The following TMEM135 variants were observed in gnomAD, a reference collection of about 807,000 sequenced individuals.
The protein encoded by TMEM135 is peroxisomal membrane protein 52.
Under a neutral mutation model 60.3 loss-of-function variants are expected in TMEM135, and 30 were observed. That is an observed-to-expected ratio of 0.50 (90% confidence interval 0.37 to 0.68). The LOEUF is 0.68. Ranked by LOEUF, TMEM135 falls within the 30% of genes least tolerant of loss-of-function variation. The pLI is 0.00. For synonymous variants in TMEM135, 190 were observed against 186.7 expected, an observed-to-expected ratio of 1.02 and a Z score of -0.14; for missense variants, 468 against 548.8, an observed-to-expected ratio of 0.85 and a Z score of 1.47.
intron 4 of TMEM135, among the ~76,000 whole-genome samples, chr11:87,146,259 T>A (rs1164544453): frequency 6.6e-6 from 1 of 152,204 alleles, no homozygotes; most frequent in Non-Finnish European, 1.5e-5. Flanking sequence ...CATGTGCCTG[T>A]AATCCCAGCT....
chr11:87,323,120 C>T lies in TMEM135; in HGVS notation c.*1787C>T, dbSNP rs11235098. ...ATTCATAAATTATTGTTTTCATTGA[C>T]ATTAAAAGACTGTGATATTGAAAGA... is the stretch of plus-strand genomic sequence containing the variant. On this transcript the variant is annotated 3_prime_UTR_variant, in exon 15 of 15. Transcript: ENST00000305494. 1,807 of 453,798 alleles carry T rather than the reference C, an allele frequency of 4.0e-3. 32 individuals carry two copies. Among genetic ancestry groups the T allele is most frequent in the African/African-American group, 0.034 (1,691 of 50,046 alleles). The allele number at this position is 453,798 out of a possible 1,614,324, so 28.1% of individuals were successfully genotyped here.
intron 10 of TMEM135, among the ~76,000 whole-genome samples, chr11:87,312,441 T>C (rs1942655485): frequency 6.6e-6 from 1 of 151,942 alleles, no homozygotes; most frequent in Non-Finnish European, 1.5e-5. Flanking sequence ...TCTTTATATA[T>C]GTTATATACT....
chr11:87,264,262 T>C (rs973862906), intron 6 of TMEM135, among the ~76,000 whole-genome samples: 5 of 151,600 alleles, frequency 3.3e-5, no homozygotes, highest in African/African-American at 9.7e-5. Context: ...TCTCTCTTTT[T>C]TTCTCCTCTC....
At chr11:87,211,976 T>C (rs1318694111) in intron 5 of TMEM135, among the ~76,000 whole-genome samples, 1 of 152,052 alleles carries the variant, frequency 6.6e-6, no homozygotes, top group East Asian at 1.9e-4. Flanking sequence ...AAAAGGCTCA[T>C]TGGCCTTGTA....
intron 6 of TMEM135, among the ~76,000 whole-genome samples, chr11:87,290,895 A>G (rs6592349): frequency 0.63 from 95,806 of 152,054 alleles, 30,477 homozygotes; most frequent in Non-Finnish European, 0.67. Flanking sequence ...AAAAGTCTAC[A>G]TATATGAGTT....
At chr11:87,080,035 T>C (rs1324422799) in intron 3 of TMEM135, among the ~76,000 whole-genome samples, 1 of 151,350 alleles carries the variant, frequency 6.6e-6, no homozygotes, top group East Asian at 1.9e-4. Context: ...GGAGACGGGG[T>C]TTCACCATAT....
intron 4 of TMEM135, among the ~76,000 whole-genome samples, chr11:87,128,109 A>G (rs1000316404): frequency 6.6e-6 from 1 of 152,186 alleles, no homozygotes; most frequent in Admixed American, 6.5e-5. Flanking sequence ...AGACATTGCT[A>G]TAGATAATAG....
intron 6 of TMEM135, chr11:87,258,758 A>C: frequency 2.3e-6 from 1 of 436,566 alleles, no homozygotes; most frequent in Non-Finnish European, 4.3e-6. Flanking sequence ...AATGTGCCAA[A>C]GTTAAAAAAA....
intron 4 of TMEM135, among the ~76,000 whole-genome samples, chr11:87,097,339 T>A (rs1390786727): frequency 6.6e-6 from 1 of 152,140 alleles, no homozygotes; most frequent in Non-Finnish European, 1.5e-5. Context: ...GTTCTATACC[T>A]AAAAGCAACT....
At chr11:87,251,754 G>GA (rs149652180) in intron 6 of TMEM135, among the ~76,000 whole-genome samples, 4,263 of 152,232 alleles carry the variant, frequency 0.028, 185 homozygotes, top group African/African-American at 0.094. Flanking sequence ...CCAGTAGTGA[G>GA]AAAAAACACT....
chr11:87,276,820 G>A (rs1941976510), intron 6 of TMEM135, among the ~76,000 whole-genome samples: 1 of 151,398 alleles, frequency 6.6e-6, no homozygotes, highest in Non-Finnish European at 1.5e-5. Context: ...TGGCATGCGA[G>A]GCCACCATGC....
At chr11:87,206,797 C>G (rs1466425049) in intron 5 of TMEM135, among the ~76,000 whole-genome samples, 1 of 152,102 alleles carries the variant, frequency 6.6e-6, no homozygotes, top group Non-Finnish European at 1.5e-5. Context: ...ACTTCATAGT[C>G]TTGTGCATAC....
chr11:87,319,401 A>G, intron 14 of TMEM135, 24 bp downstream of exon 14: 1 of 1,544,300 alleles, frequency 6.5e-7, no homozygotes, highest in Non-Finnish European at 9.0e-7. Context: ...TAGTTTTCTT[A>G]AAAATATTAT....
intron 6 of TMEM135, among the ~76,000 whole-genome samples, chr11:87,278,584 G>A (rs12791576): frequency 1.8e-4 from 27 of 152,028 alleles, no homozygotes; most frequent in Non-Finnish European, 3.4e-4. Flanking sequence ...ACATTGCCCA[G>A]GCTGGTCTCG....
intron 6 of TMEM135, chr11:87,259,189 C>A: frequency 1.8e-6 from 1 of 544,576 alleles, no homozygotes; most frequent in Non-Finnish European, 3.4e-6. Context: ...TCCAACTCCT[C>A]CTTAGTCTTC....
chr11:87,077,122 C>T (rs925573819), intron 3 of TMEM135, among the ~76,000 whole-genome samples: 1 of 152,224 alleles, frequency 6.6e-6, no homozygotes. Context: ...CTTGAACTAT[C>T]CCTTTGTAGT....
At chr11:87,055,474 A>G (rs978523974) in intron 1 of TMEM135, among the ~76,000 whole-genome samples, 3 of 152,226 alleles carry the variant, frequency 2.0e-5, no homozygotes, top group African/African-American at 7.2e-5. Flanking sequence ...TAGTAGTCAG[A>G]AATTTTCAAT....
chr11:87,241,435 G>C (rs926828299), intron 6 of TMEM135, among the ~76,000 whole-genome samples: 1 of 151,962 alleles, frequency 6.6e-6, no homozygotes, highest in Non-Finnish European at 1.5e-5. Flanking sequence ...CAGGCATACA[G>C]TGCATACCTA....
At chr11:87,120,560 C>T (rs2135214217) in intron 4 of TMEM135, among the ~76,000 whole-genome samples, 1 of 149,852 alleles carries the variant, frequency 6.7e-6, no homozygotes, top group East Asian at 2.0e-4. Flanking sequence ...CAACCTCCAC[C>T]TCCCTGGTTC....
Sources: allele counts gnomAD v4.1 joint callset (sites outside exome capture counted in the v4.1 genomes callset), GRCh38; gene constraint gnomAD v4.1.1; transcripts MANE v1.5; gene names NCBI Gene and HGNC (gene_info 2026-07-23, HGNC 2026-07-21).